The following ZNF532 variants were observed in gnomAD, a reference collection of about 807,000 sequenced individuals.
ZNF532 encodes the protein zinc finger protein 532.
In ZNF532, 22 loss-of-function variants were observed where a neutral mutation model predicts 89.3. The observed-to-expected ratio is 0.25, with a 90% CI of 0.18 to 0.35. The LOEUF (loss-of-function observed/expected upper bound fraction) is 0.35. ZNF532 is among the 10% of genes least tolerant of loss of function. ZNF532 has a pLI of 1.00. For missense variants in ZNF532, 1,132 were observed against 1,643.4 expected (o/e 0.69, Z 5.38); for synonymous variants, 606 against 649.6 (o/e 0.93, Z 1.02).
intron 5 of ZNF532, among the ~76,000 whole-genome samples, chr18:58,942,173 C>T (rs1377076869): frequency 6.6e-6 from 1 of 151,856 alleles, no homozygotes; most frequent in African/African-American, 2.4e-5. Context: ...CAGGCGCCCA[C>T]CACCACGCCT....
At chr18:58,947,629 T>C (rs1288524734) in intron 5 of ZNF532, among the ~76,000 whole-genome samples, 1 of 152,176 alleles carries the variant, frequency 6.6e-6, no homozygotes, top group African/African-American at 2.4e-5. Flanking sequence ...ATGAAAACTT[T>C]GGAGTTGAGT....
rs1419252843 is a variant in ZNF532 at position 58,985,813 on chromosome 18, T to C, written c.*1347T>C. On this transcript the variant is annotated 3_prime_UTR_variant, in exon 10 of 10. Coordinates refer to ENST00000591808, the MANE Select transcript of ZNF532 (RefSeq NM_001375912.1). The stretch of plus-strand genomic sequence containing the variant: ...GAAAAGGAATTCTTTTGTGTATATA[T>C]AGATACTTGCATGATATACTGTAGT... The C allele has an allele frequency of 1.3e-5, 2 of 151,058 alleles. No homozygotes were observed. Among genetic ancestry groups the C allele is most frequent in the African/African-American group, 2.5e-5 (1 of 40,768 alleles). The allele number at this position is 151,058 out of a possible 1,614,324, so 9.4% of individuals were successfully genotyped here.
At chr18:58,983,610 G>C (rs1477242366) in intron 9 of ZNF532, among the ~76,000 whole-genome samples, 1 of 151,884 alleles carries the variant, frequency 6.6e-6, no homozygotes, top group African/African-American at 2.4e-5. Flanking sequence ...CCCCCCCCTT[G>C]CTTCCCATGG....
intron 7 of ZNF532, chr18:58,964,123 C>T (rs899973670): frequency 6.6e-6 from 1 of 152,166 alleles, no homozygotes; most frequent in African/African-American, 2.4e-5. Context: ...TGTCATTAGG[C>T]ATGCCTTACT....
intron 2 of ZNF532, among the ~76,000 whole-genome samples, chr18:58,912,036 C>T (rs1051188873): frequency 3.9e-5 from 6 of 152,026 alleles, no homozygotes; most frequent in East Asian, 1.9e-4. Context: ...TGGATGGGGG[C>T]GGGGAGCCTA....
chr18:58,953,199 C>G (rs1182029678), intron 6 of ZNF532: 1 of 203,340 alleles, frequency 4.9e-6, no homozygotes, highest in African/African-American at 2.3e-5. Context: ...AGAGAGGCCT[C>G]CCTCTGGGAT....
chr18:58,867,807 A>G (rs1482526179), intron 2 of ZNF532, among the ~76,000 whole-genome samples: 1 of 152,104 alleles, frequency 6.6e-6, no homozygotes, highest in Non-Finnish European at 1.5e-5. Flanking sequence ...TTCCATGTTA[A>G]AGAACACTGG....
At chr18:58,947,137 C>G (rs1028880516) in intron 5 of ZNF532, among the ~76,000 whole-genome samples, 2 of 152,178 alleles carry the variant, frequency 1.3e-5, no homozygotes, top group East Asian at 1.9e-4. Context: ...AGAGGAAATA[C>G]AGATGCCCAT....
chr18:58,907,808 A>C (rs957077038), intron 2 of ZNF532, among the ~76,000 whole-genome samples: 1 of 152,126 alleles, frequency 6.6e-6, no homozygotes, highest in South Asian at 2.1e-4. Flanking sequence ...GTTTTTGACA[A>C]GGTGAGCCCC....
intron 2 of ZNF532, among the ~76,000 whole-genome samples, chr18:58,884,439 C>T (rs977598290): frequency 2.0e-5 from 3 of 152,244 alleles, no homozygotes; most frequent in Non-Finnish European, 2.9e-5. Flanking sequence ...GCTGATAGTT[C>T]GGAGCATTTC....
Position 58,919,039 on chromosome 18 carries a change from C to G in ZNF532, c.752C>G (p.Thr251Ser), listed in dbSNP as rs373357323. Residue 251 changes from threonine (T) to serine (S), a missense_variant, in exon 3 of 10, where the codon ACC (threonine) becomes AGC (serine). Physicochemically the swap from Thr to Ser is moderately conservative, Grantham distance 58. Transcript: ENST00000591808. The surrounding 1 kb of genome is among the most constrained non-coding windows in gnomAD (Gnocchi z 6.1). ...AAGCTGAGCTCCGAGAAGAATGACA[C>G]CAGCCTCCCCAGCGTTGCGCCATCA... is the stretch of plus-strand genomic sequence containing the variant. ...DGKLSSEKND[T>S]SLPSVAPSKT... The G allele has an allele frequency of 5.0e-6, 8 of 1,613,784 alleles. No homozygotes were observed. In the African/African-American group the frequency reaches 9.3e-5, roughly 19 times the overall value.
chr18:58,909,160 T>C (rs1253755129), intron 2 of ZNF532, among the ~76,000 whole-genome samples: 1 of 152,034 alleles, frequency 6.6e-6, no homozygotes, highest in African/African-American at 2.4e-5. Flanking sequence ...TCCATGTTGG[T>C]CAGGCTGGTC....
intron 2 of ZNF532, among the ~76,000 whole-genome samples, chr18:58,872,304 G>A (rs1383276948): frequency 1.3e-5 from 2 of 152,204 alleles, no homozygotes; most frequent in Admixed American, 6.5e-5. Context: ...AAATCAGGGT[G>A]TTGTGGTTCT....
At chr18:58,953,067 A>G (rs1162541614) in intron 6 of ZNF532, 1 of 154,526 alleles carries the variant, frequency 6.5e-6, no homozygotes. Flanking sequence ...TTACTAACGT[A>G]TTGATCTTAG....
intron 3 of ZNF532, among the ~76,000 whole-genome samples, chr18:58,923,190 A>T (rs1343646663): frequency 6.6e-6 from 1 of 151,956 alleles, no homozygotes. Flanking sequence ...TATGTAGGCC[A>T]CTCAGCTCAC....
intron 7 of ZNF532, among the ~76,000 whole-genome samples, chr18:58,957,406 C>T (rs1391104789): frequency 3.6e-5 from 5 of 138,882 alleles, no homozygotes; most frequent in Admixed American, 7.3e-5. Context: ...ACTTAAAATA[C>T]ATATATATAT....
At position 58,934,623 on chromosome 18, in the gene ZNF532, A is replaced by G. The variant is rs2062217456; in HGVS notation, c.2528+9A>G. The G allele has an allele frequency of 1.9e-6, 3 of 1,611,012 alleles. No homozygotes were observed. The highest frequency in any genetic ancestry group is 2.2e-5 in the East Asian group (1 of 44,848). ...AGGAGAGTTGGTTTTCGGTCAGTAT[A>G]TCATTCACTTATGTGCAAGTAAAAC... On this transcript the variant is annotated intron_variant, in intron 4 of 9. Coordinates refer to ENST00000591808, the MANE Select transcript of ZNF532 (RefSeq NM_001375912.1).
chr18:58,871,440 T>G (rs1054640659), intron 2 of ZNF532, among the ~76,000 whole-genome samples: 9 of 152,136 alleles, frequency 5.9e-5, no homozygotes, highest in African/African-American at 2.2e-4. Context: ...GCTGTACATG[T>G]TTTTCCCTGT....
chr18:58,904,966 C>T (rs1018592069), intron 2 of ZNF532, among the ~76,000 whole-genome samples: 64 of 151,716 alleles, frequency 4.2e-4, no homozygotes, highest in African/African-American at 1.5e-3. Flanking sequence ...CTCAGCCTCC[C>T]GAGTAGCTGA....
Sources: gnomAD v4.1 joint callset for allele counts (sites outside exome capture counted in the v4.1 genomes callset) on GRCh38, gnomAD v4.1.1 for gene constraint, Gnocchi (gnomAD v3.1) non-coding constraint, MANE v1.5 for transcripts, NCBI Gene and HGNC (gene_info 2026-07-23, HGNC 2026-07-21) for gene names.